Variants in ITGB8 observed in about 807,000 individuals in gnomAD.
ITGB8 encodes the protein integrin subunit beta 8.
In ITGB8, 30 loss-of-function variants were observed where a neutral mutation model predicts 89.5. That is an observed-to-expected ratio of 0.34 (90% CI 0.25 to 0.45). The LOEUF is 0.45. Ranked by LOEUF, ITGB8 falls within the 20% of genes least tolerant of loss-of-function variation. The pLI is 1.00. For synonymous variants in ITGB8, 335 were observed against 320.4 expected (o/e 1.05, Z -0.49); for missense variants, 836 against 933.3 (o/e 0.90, Z 1.36).
At chr7:20,367,293 G>T in intron 3 of ITGB8, 107 bp downstream of exon 3, 1 of 837,696 alleles carries the variant, frequency 1.2e-6, no homozygotes, top group Non-Finnish European at 1.9e-6. Flanking sequence ...TGTTCTTGTA[G>T]AAACCACAGT....
At chr7:20,385,158 T>C (rs1171573984) in intron 6 of ITGB8, among the ~76,000 whole-genome samples, 1 of 152,198 alleles carries the variant, frequency 6.6e-6, no homozygotes, top group Non-Finnish European at 1.5e-5. Flanking sequence ...ACCCACCCCT[T>C]GGTGGAGGCC....
intron 7 of ITGB8, among the ~76,000 whole-genome samples, chr7:20,393,260 T>C (rs1208328903): frequency 6.6e-6 from 1 of 152,162 alleles, no homozygotes; most frequent in African/African-American, 2.4e-5. Flanking sequence ...CCTTTAAAAA[T>C]TTGCCATTAA....
chr7:20,406,415 T>C (rs1787545078), intron 12 of ITGB8, among the ~76,000 whole-genome samples: 1 of 151,984 alleles, frequency 6.6e-6, no homozygotes, highest in East Asian at 1.9e-4. Context: ...CCAGGCGCAG[T>C]GGCGGGCACC....
At position 20,391,249 on chromosome 7, in the gene ITGB8, G is replaced by A. The variant is rs114268319; in HGVS notation, c.961-154G>A. ...AATATTTTAATACATGGATATTGAT[G>A]TTATGTTTTCAAAAATTTAAATGTC... On this transcript the variant is annotated intron_variant, in intron 6 of 13. Transcript: ENST00000222573. Among the ~76,000 whole-genome samples the A allele has an allele frequency of 9.3e-3, 1,412 of 151,996 alleles. 23 individuals are homozygous for A. Among genetic ancestry groups the A allele is most frequent in the African/African-American group, 0.032 (1,318 of 41,446 alleles).
At chr7:20,369,099 T>A (rs954779627) in intron 3 of ITGB8, among the ~76,000 whole-genome samples, 3 of 152,232 alleles carry the variant, frequency 2.0e-5, no homozygotes, top group Non-Finnish European at 2.9e-5. Context: ...TCATCTTTCC[T>A]GCAAATCTTT....
chr7:20,406,415 T>G (rs1787545078), intron 12 of ITGB8, among the ~76,000 whole-genome samples: 1 of 151,984 alleles, frequency 6.6e-6, no homozygotes, highest in Admixed American at 6.6e-5. Flanking sequence ...CCAGGCGCAG[T>G]GGCGGGCACC....
chr7:20,388,153 C>G (rs7786537), intron 6 of ITGB8, among the ~76,000 whole-genome samples: 122,647 of 152,218 alleles, frequency 0.81, 49,550 homozygotes, highest in Middle Eastern at 0.89. Context: ...TCTTTCTTAC[C>G]TCTTCTTTCC....
rs371620605 is a variant in ITGB8 at position 20,415,101 on chromosome 7, C to T, written c.*5104C>T. 31 of 152,352 alleles carry T rather than the reference C, an allele frequency of 2.0e-4. No individual in the cohort carries two copies. Among genetic ancestry groups the T allele is most frequent in the African/African-American group, 5.8e-4 (24 of 41,396 alleles). 9.4% of individuals were successfully genotyped at this position (152,352 alleles called of 1,614,324 possible). On this transcript the variant is annotated 3_prime_UTR_variant, in exon 14 of 14. Coordinates refer to ENST00000222573, the MANE Select transcript of ITGB8 (RefSeq NM_002214.3). ...ATGTGAAATTTTGATAAGAAGTCTA[C>T]GCAATGACAAGTATGGTACATAAAT...
At chr7:20,381,607 C>A (rs1320588552) in intron 5 of ITGB8, 120 bp from the exon 6 acceptor site, 1 of 689,360 alleles carries the variant, frequency 1.5e-6, no homozygotes, top group Non-Finnish European at 2.5e-6. Flanking sequence ...GTTGTACCCA[C>A]GCACATCGTT....
At chr7:20,395,799 C>T (rs1023300636) in intron 8 of ITGB8, among the ~76,000 whole-genome samples, 18 of 152,198 alleles carry the variant, frequency 1.2e-4, no homozygotes, top group African/African-American at 4.3e-4. Context: ...GTGAAACAAA[C>T]TTATCAAAGG....
chr7:20,376,249 G>A (rs1027602795), intron 3 of ITGB8, among the ~76,000 whole-genome samples: 1 of 152,138 alleles, frequency 6.6e-6, no homozygotes, highest in Non-Finnish European at 1.5e-5. Context: ...TACTAACTCT[G>A]AAACCACTGA....
Position 20,331,830 on chromosome 7 carries a change from T to G in ITGB8, c.24T>G (p.Phe8Leu). The change falls in exon 1 of 14, where the codon TTT becomes TTG. Residue 8 changes from phenylalanine (F) to leucine (L), a missense_variant. By Grantham distance (22) the Phe-to-Leu change is conservative. Transcript: ENST00000222573. MCGSALA[F>L]FTAAFVCLQN... ...TTATGTGCGGCTCGGCCCTGGCTTTTTTTACCGCTGCATTTGTCTGCCTGC... is the reference window on the plus strand; with the variant it reads ...TTATGTGCGGCTCGGCCCTGGCTTTGTTTACCGCTGCATTTGTCTGCCTGC... 1 of 1,613,420 alleles carries G rather than the reference T, an allele frequency of 6.2e-7. No homozygotes were observed. Among genetic ancestry groups the G allele is most frequent in the Non-Finnish European group, 8.5e-7 (1 of 1,180,016 alleles).
At chr7:20,380,630 C>T in intron 4 of ITGB8, 36 bp from the exon 5 acceptor site, 1 of 1,568,636 alleles carries the variant, frequency 6.4e-7, no homozygotes, top group Non-Finnish European at 8.8e-7. Context: ...TTAAGAAGAG[C>T]AAAATAAACT....
At chr7:20,386,320 C>A (rs563649001) in intron 6 of ITGB8, among the ~76,000 whole-genome samples, 21 of 150,492 alleles carry the variant, frequency 1.4e-4, no homozygotes, top group Non-Finnish European at 2.9e-4. Flanking sequence ...CTCACTGTAA[C>A]CTCCGCCTCC....
intron 1 of ITGB8, chr7:20,346,594 G>C (rs1562655032): frequency 2.2e-6 from 1 of 458,588 alleles, no homozygotes; most frequent in East Asian, 1.5e-4. Context: ...TTAATTCTTA[G>C]GGAAGGAAGA....
Position 20,404,652 on chromosome 7 carries a change from G to A in ITGB8, c.1712G>A (p.Arg571Lys), listed in dbSNP as rs1037367161. 1.9e-6 allele frequency: 3 copies of A among 1,613,952 alleles called. No homozygotes were observed. Among genetic ancestry groups the A allele is most frequent in the Admixed American group, 3.3e-5 (2 of 60,008 alleles). ...GGGCATGGAGAGTGTGAAGCAGGCA[G>A]ATGCCAATGCTTCAGTGGCTGGGAA... ...CAGHGECEAG[R>K]CQCFSGWEGD... The change falls in exon 11 of 14, where the codon AGA (arginine) becomes AAA (lysine). Residue 571 changes from arginine to lysine, a missense_variant. Physicochemically the swap from Arg to Lys is conservative, Grantham distance 26. Coordinates refer to ENST00000222573, the MANE Select transcript of ITGB8 (RefSeq NM_002214.3).
chr7:20,391,529 A>T (rs757363782), intron 7 of ITGB8, 31 bp downstream of exon 7: 8 of 1,173,462 alleles, frequency 6.8e-6, no homozygotes, highest in South Asian at 5.7e-5. Context: ...TTAAAATTAA[A>T]TTTTTTTCAT....
At chr7:20,356,334 C>A (rs892180713) in intron 1 of ITGB8, among the ~76,000 whole-genome samples, 2 of 152,030 alleles carry the variant, frequency 1.3e-5, no homozygotes, top group African/African-American at 4.8e-5. Context: ...GCATATATTT[C>A]TCTGCAAAAG....
chr7:20,354,507 G>C (rs140517633), intron 1 of ITGB8, among the ~76,000 whole-genome samples: 3 of 152,126 alleles, frequency 2.0e-5, no homozygotes, highest in African/African-American at 7.2e-5. Flanking sequence ...AGTAAGATTC[G>C]AGTAAGCTTT....
Sources: gnomAD v4.1 joint callset for allele counts (sites outside exome capture counted in the v4.1 genomes callset) on GRCh38, gnomAD v4.1.1 for gene constraint, MANE v1.5 for transcripts, NCBI Gene and HGNC (gene_info 2026-07-23, HGNC 2026-07-21) for gene names.